The following ZMAT4 variants were observed in gnomAD, a reference collection of about 807,000 sequenced individuals.
ZMAT4 encodes zinc finger matrin-type 4.
A neutral mutation model predicts 28.7 loss-of-function variants in ZMAT4; 17 were observed. The observed-to-expected ratio is 0.59, with a 90% CI of 0.41 to 0.89. The LOEUF (loss-of-function observed/expected upper bound fraction) is 0.89. ZMAT4 is among the 40% of genes least tolerant of loss of function. The pLI is 0.00. For synonymous variants in ZMAT4, 117 were observed against 109.2 expected (o/e 1.07, Z -0.44); for missense variants, 240 against 283.8 (o/e 0.85, Z 1.11).
At chr8:40,591,480 T>A (rs1023921831) in intron 5 of ZMAT4, among the ~76,000 whole-genome samples, 1 of 152,190 alleles carries the variant, frequency 6.6e-6, no homozygotes, top group Non-Finnish European at 1.5e-5. Flanking sequence ...CTGGGGACAC[T>A]AAGACAGAGT....
intron 2 of ZMAT4, among the ~76,000 whole-genome samples, chr8:40,813,656 C>T (rs1456029344): frequency 2.6e-5 from 4 of 152,182 alleles, no homozygotes; most frequent in Non-Finnish European, 4.4e-5. Flanking sequence ...GCCAGAGACC[C>T]GGTGAGTCAG....
At chr8:40,576,461 A>T (rs536037896) in intron 6 of ZMAT4, among the ~76,000 whole-genome samples, 1 of 152,154 alleles carries the variant, frequency 6.6e-6, no homozygotes, top group South Asian at 2.1e-4. Flanking sequence ...CCATCAGACT[A>T]ACAACCGATT....
chr8:40,578,599 C>G (rs1293410487), intron 6 of ZMAT4, among the ~76,000 whole-genome samples: 1 of 152,136 alleles, frequency 6.6e-6, no homozygotes, highest in Admixed American at 6.6e-5. Context: ...TATTCTCTCT[C>G]TCCTCTCTCT....
chr8:40,604,928 T>C (rs1259372767), intron 5 of ZMAT4, among the ~76,000 whole-genome samples: 2 of 152,082 alleles, frequency 1.3e-5, no homozygotes, highest in Non-Finnish European at 2.9e-5. Flanking sequence ...CAGAGTTTAA[T>C]TTCTTACTTG....
intron 1 of ZMAT4, among the ~76,000 whole-genome samples, chr8:40,880,287 C>T (rs1287645723): frequency 1.3e-5 from 2 of 150,816 alleles, no homozygotes; most frequent in African/African-American, 2.4e-5. Flanking sequence ...GAGAATCACT[C>T]GAACCTGGGA....
chr8:40,723,957 T>C (rs1811213659), intron 3 of ZMAT4, among the ~76,000 whole-genome samples: 1 of 152,118 alleles, frequency 6.6e-6, no homozygotes. Flanking sequence ...ATGTGCAAAA[T>C]TGCTTCCCCA....
Position 40,793,547 on chromosome 8 carries a change from T to C in ZMAT4, c.103-25817A>G, listed in dbSNP as rs28451888. ...GAATTTGCTGCTTCCTTTCAAGCGT[T>C]ACAAATTTTCCATTTGGGGGTGTTT... On this transcript the variant is annotated intron_variant, in intron 2 of 6. Coordinates refer to ENST00000297737, the MANE Select transcript of ZMAT4 (RefSeq NM_024645.3). 9.6e-3 allele frequency among the ~76,000 whole-genome samples: 1,455 copies of C among 152,348 alleles called. 25 individuals are homozygous for C. The highest frequency in any genetic ancestry group is 0.034 in the African/African-American group (1,402 of 41,576).
At chr8:40,718,151 T>G (rs764904315) in intron 3 of ZMAT4, among the ~76,000 whole-genome samples, 1 of 152,232 alleles carries the variant, frequency 6.6e-6, no homozygotes, top group Non-Finnish European at 1.5e-5. Context: ...CTCGTATAGA[T>G]AGCCACTTAT....
At chr8:40,708,619 CTCTG>C (rs1810469865) in intron 3 of ZMAT4, among the ~76,000 whole-genome samples, 1 of 141,278 alleles carries the variant, frequency 7.1e-6, no homozygotes, top group South Asian at 2.3e-4. Flanking sequence ...CTCAAAGAAG[CTCTG>C]TTAAGTTAGG....
chr8:40,608,743 T>C (rs776250338), intron 5 of ZMAT4, among the ~76,000 whole-genome samples: 17 of 152,180 alleles, frequency 1.1e-4, no homozygotes, highest in Non-Finnish European at 1.8e-4. Context: ...GGACTGAGAG[T>C]GCCCACAGCG....
In ZMAT4 at chr8:40,825,677, C is replaced by G; in HGVS notation, c.-1G>C. On this transcript the variant is annotated 5_prime_UTR_variant, in exon 2 of 7. Coordinates refer to ENST00000297737, the MANE Select transcript of ZMAT4 (RefSeq NM_024645.3). ...CCTGATCAATATCGGAGGACTTCAT[C>G]AGGCTACAAGAGAATCAACAGAAAA... The G allele has an allele frequency of 6.4e-7, 1 of 1,552,424 alleles. No individual in the cohort carries two copies. The highest frequency in any genetic ancestry group is 2.4e-5 in the East Asian group (1 of 41,486).
At chr8:40,588,069 A>G (rs1440755629) in intron 5 of ZMAT4, among the ~76,000 whole-genome samples, 1 of 152,040 alleles carries the variant, frequency 6.6e-6, no homozygotes, top group Non-Finnish European at 1.5e-5. Context: ...TCTAAATACA[A>G]TTTAGCCAAT....
chr8:40,602,784 G>T (rs1805443573), intron 5 of ZMAT4, among the ~76,000 whole-genome samples: 1 of 152,038 alleles, frequency 6.6e-6, no homozygotes, highest in African/African-American at 2.4e-5. Flanking sequence ...TGATTTGTTT[G>T]AGTTCCTTGT....
At chr8:40,536,794 C>T (rs527447883) in intron 6 of ZMAT4, among the ~76,000 whole-genome samples, 99 of 152,000 alleles carry the variant, frequency 6.5e-4, no homozygotes, top group South Asian at 3.5e-3. Flanking sequence ...GAGAACAAAA[C>T]TTTAAGAAAA....
At chr8:40,588,667 T>G (rs1804751525) in intron 5 of ZMAT4, among the ~76,000 whole-genome samples, 1 of 152,104 alleles carries the variant, frequency 6.6e-6, no homozygotes, top group African/African-American at 2.4e-5. Context: ...GACACATTCT[T>G]GAGGGGATTG....
intron 5 of ZMAT4, among the ~76,000 whole-genome samples, chr8:40,601,473 GAA>G (rs1554525370): frequency 1.3e-5 from 1 of 76,986 alleles, no homozygotes; most frequent in African/African-American, 4.0e-5. Context: ...AGAAAGGAAA[GAA>G]AGAAAGAAAG....
At chr8:40,722,650 ACTAT>A (rs1486791489) in intron 3 of ZMAT4, among the ~76,000 whole-genome samples, 1 of 152,154 alleles carries the variant, frequency 6.6e-6, no homozygotes, top group East Asian at 1.9e-4. Context: ...TAAAAATAAA[ACTAT>A]CTAATGAAAT....
At chr8:40,614,025 G>A (rs548285743) in intron 5 of ZMAT4, among the ~76,000 whole-genome samples, 2 of 152,334 alleles carry the variant, frequency 1.3e-5, no homozygotes, top group South Asian at 2.1e-4. Context: ...CACATACTGA[G>A]TGACAACCTT....
chr8:40,575,303 T>A (rs565574714), intron 6 of ZMAT4, among the ~76,000 whole-genome samples: 2 of 152,086 alleles, frequency 1.3e-5, no homozygotes, highest in African/African-American at 4.8e-5. Flanking sequence ...AGAAACACAA[T>A]TGTGGACCCA....
Sources: allele counts gnomAD v4.1 joint callset (sites outside exome capture counted in the v4.1 genomes callset), GRCh38; gene constraint gnomAD v4.1.1; transcripts MANE v1.5; gene names NCBI Gene and HGNC (gene_info 2026-07-23, HGNC 2026-07-21).